Variants in SCUBE2 observed in about 807,000 individuals in gnomAD.
SCUBE2 encodes signal peptide, CUB and EGF-like domain-containing protein 2.
In SCUBE2, 114 loss-of-function variants were observed where a neutral mutation model predicts 125.9. That is an observed-to-expected ratio of 0.91 (90% CI 0.78 to 1.06). The LOEUF is 1.06. SCUBE2 is among the 50% of genes least tolerant of loss of function. SCUBE2 has a pLI of 0.00. For synonymous variants in SCUBE2, 459 were observed against 492.9 expected (o/e 0.93, Z 0.91); for missense variants, 1,255 against 1,301.8 (o/e 0.96, Z 0.55).
intron 2 of SCUBE2, among the ~76,000 whole-genome samples, chr11:9,088,254 G>A (rs1009966571): frequency 1.3e-5 from 2 of 152,244 alleles, no homozygotes; most frequent in East Asian, 1.9e-4. Flanking sequence ...TCGGGAGGCC[G>A]AGGCCAGTGG....
chr11:9,091,255 C>CG lies in SCUBE2; in HGVS notation c.133+140dup, dbSNP rs1194779583. On this transcript the variant is annotated intron_variant, in intron 1 of 22. Transcript: ENST00000649792. The surrounding 1 kb of genome is among the most constrained non-coding windows in gnomAD (Gnocchi z 8.5). ...TTGGCCCGGCCGGCGGGTGAGGTCCCGGGGGGAGCAGAGGCCCCCGCGGAG... is the reference window on the plus strand; with the variant it reads ...TTGGCCCGGCCGGCGGGTGAGGTCCCGGGGGGGAGCAGAGGCCCCCGCGGAG... 1.1e-5 allele frequency: 6 copies of CG among 536,432 alleles called. No individual in the cohort carries two copies. Among genetic ancestry groups the CG allele is most frequent in the South Asian group, 1.9e-4 (2 of 10,772 alleles). 33.2% of individuals were successfully genotyped at this position (536,432 alleles called of 1,614,324 possible).
rs771636204 is a variant in SCUBE2 at position 9,029,924 on chromosome 11, C to T, written c.2463G>A (p.Thr821=). The change falls in exon 19 of 23, where the codon ACG becomes ACA. Residue 821 remains threonine (T), a synonymous_variant. Transcript: ENST00000649792. ...TGTTTGTGGAGCCATCAAAGTCAGT[C>T]GTAGTATTTCCTGGGCAAGAAACAC... is the stretch of plus-strand genomic sequence containing the variant. ...NNCVSCPGNT[T]TDFDGSTNIT... 7.4e-6 allele frequency: 12 copies of T among 1,614,156 alleles called. No homozygotes were observed. The highest frequency in any genetic ancestry group is 2.2e-5 in the East Asian group (1 of 44,876).
chr11:9,071,019 C>T (rs756104874), intron 4 of SCUBE2, among the ~76,000 whole-genome samples: 2 of 152,122 alleles, frequency 1.3e-5, no homozygotes, highest in African/African-American at 4.8e-5. Context: ...CTGGTAATTC[C>T]GAAGATGTGA....
intron 17 of SCUBE2, among the ~76,000 whole-genome samples, chr11:9,031,784 G>T: frequency 6.6e-6 from 1 of 152,212 alleles, no homozygotes; most frequent in East Asian, 1.9e-4. Context: ...TTAGTCATTG[G>T]CAAGATGCTA....
At chr11:9,081,681 AAAAACC>A (rs1564850663) in intron 2 of SCUBE2, among the ~76,000 whole-genome samples, 1 of 151,458 alleles carries the variant, frequency 6.6e-6, no homozygotes, top group African/African-American at 2.4e-5. Context: ...AACAAAAAAA[AAAAACC>A]AAAAATATTA....
chr11:9,050,276 T>C, intron 14 of SCUBE2: 1 of 211,710 alleles, frequency 4.7e-6, no homozygotes, highest in East Asian at 1.1e-4. Context: ...ATCTGAGATC[T>C]AGAAAATTTA....
Position 9,089,741 on chromosome 11 carries a change from C to T in SCUBE2, c.222G>A (p.Lys74=). ...GCCTGCCTTCCCCTTGGTAGCCAGGCTTGCAGGAGCACTTGTAGGAGGTGG... is the reference window on the plus strand; with the variant it reads ...GCCTGCCTTCCCCTTGGTAGCCAGGTTTGCAGGAGCACTTGTAGGAGGTGG... ...NTPTSYKCSC[K]PGYQGEGRQC... is the part of the protein sequence containing the mutation. The change falls in exon 2 of 23, where the codon AAG becomes AAA. Residue 74 remains lysine (K), a synonymous_variant. Coordinates refer to ENST00000649792, the MANE Select transcript of SCUBE2 (RefSeq NM_001367977.2). 1 of 1,613,926 alleles carries T rather than the reference C, an allele frequency of 6.2e-7. No homozygotes were observed. The highest frequency in any genetic ancestry group is 8.5e-7 in the Non-Finnish European group (1 of 1,179,890).
At chr11:9,056,559 T>C (rs999416282) in intron 9 of SCUBE2, among the ~76,000 whole-genome samples, 5 of 152,170 alleles carry the variant, frequency 3.3e-5, no homozygotes, top group Admixed American at 6.5e-5. Context: ...TTGGTTTTGC[T>C]CCTCCCCTAT....
chr11:9,088,309 G>A (rs540924609), intron 2 of SCUBE2, among the ~76,000 whole-genome samples: 38 of 152,318 alleles, frequency 2.5e-4, no homozygotes, highest in Admixed American at 2.2e-3. Context: ...CCAACATGGT[G>A]AAACCCCGTC....
At chr11:9,031,082 G>T in intron 17 of SCUBE2, 157 bp from the exon 18 acceptor site, 1 of 641,284 alleles carries the variant, frequency 1.6e-6, no homozygotes, top group Non-Finnish European at 2.6e-6. Flanking sequence ...TGGTGCTTCT[G>T]ACCCTGAGTC....
intron 2 of SCUBE2, among the ~76,000 whole-genome samples, chr11:9,084,794 A>C (rs1275181324): frequency 6.6e-6 from 1 of 152,212 alleles, no homozygotes; most frequent in Non-Finnish European, 1.5e-5. Context: ...CCCAGGCTGG[A>C]GTGCAGTGGT....
intron 7 of SCUBE2, among the ~76,000 whole-genome samples, chr11:9,062,822 G>A (rs865987644): frequency 7.3e-5 from 10 of 137,918 alleles, no homozygotes; most frequent in African/African-American, 2.7e-4. Context: ...GGAGAGAAAA[G>A]AAAAAGAATA....
At chr11:9,061,922 A>G (rs777111706) in intron 7 of SCUBE2, among the ~76,000 whole-genome samples, 1 of 152,220 alleles carries the variant, frequency 6.6e-6, no homozygotes, top group Non-Finnish European at 1.5e-5. Flanking sequence ...TTCTAGAGGC[A>G]GAAATGAGGA....
chr11:9,069,389 C>A lies in SCUBE2; in HGVS notation c.624G>T (p.Lys208Asn), dbSNP rs372941869. Residue 208 changes from lysine to asparagine, a missense_variant, in exon 5 of 23, where the codon AAG becomes AAT. Physicochemically the swap from Lys to Asn is moderately conservative, Grantham distance 94. This residue lies in a region of SCUBE2 where 362 missense variants were observed against 323.0 expected (regional missense o/e 1.12). Transcript: ENST00000649792. ...ACTTACAGATGCAGTCTCTCTGGTT[C>A]TTGGCCAGCTCAAAACCAGGCCTGC... Reference protein sequence around the residue: ...CECRPGFELAKNQRDCILTCN... With the variant: ...CECRPGFELANNQRDCILTCN... 6 of 1,614,120 alleles carry A rather than the reference C, an allele frequency of 3.7e-6. No homozygotes were observed. The African/African-American group carries it at 6.7e-5, about 18-fold the overall frequency.
In SCUBE2 at chr11:9,019,618, A is replaced by G. The variant is rs1446048472; in HGVS notation, c.*1427T>C. Among the ~76,000 whole-genome samples, 2 of 152,124 alleles carry G rather than the reference A, an allele frequency of 1.3e-5. No homozygotes were observed. The highest frequency in any genetic ancestry group is 2.4e-5 in the African/African-American group (1 of 41,404). On this transcript the variant is annotated 3_prime_UTR_variant, in exon 23 of 23. Coordinates refer to ENST00000649792, the MANE Select transcript of SCUBE2 (RefSeq NM_001367977.2). ...TTTGATTAGGACTTTTTAAGAATCA[A>G]TGTTATTAACAGGTTAAAAAAAGCA...
In SCUBE2 at chr11:9,055,747, G is replaced by C. The variant is rs1008994116; in HGVS notation, c.1207+46C>G. The C allele has an allele frequency of 8.0e-6, 12 of 1,504,184 alleles. No individual in the cohort carries two copies. The African/African-American group carries it at 1.6e-4, about 21-fold the overall frequency. 93.2% of individuals were successfully genotyped at this position (1,504,184 alleles called of 1,614,324 possible). On this transcript the variant is annotated intron_variant, in intron 10 of 22. Coordinates refer to ENST00000649792, the MANE Select transcript of SCUBE2 (RefSeq NM_001367977.2). ...AGGGGTAGGCCCTGCTCCCCTCCAGGCCCAGCCTCATTCCCCTCCCAACTT... is the reference window on the plus strand; with the variant it reads ...AGGGGTAGGCCCTGCTCCCCTCCAGCCCCAGCCTCATTCCCCTCCCAACTT...
intron 19 of SCUBE2, 94 bp downstream of exon 19, chr11:9,029,790 C>T (rs760478280): frequency 3.6e-6 from 5 of 1,372,928 alleles, no homozygotes; most frequent in Admixed American, 1.8e-5. Context: ...TCTGAGTGAA[C>T]CTGGGACCTC....
chr11:9,060,300 G>C, intron 8 of SCUBE2, 108 bp downstream of exon 8: 1 of 776,432 alleles, frequency 1.3e-6, no homozygotes, highest in Non-Finnish European at 2.2e-6. Context: ...AGCAAATCTC[G>C]AGTCACGTGG....
In SCUBE2 at chr11:9,055,955, A is replaced by G. The variant is rs751964768; in HGVS notation, c.1091-46T>C. 8.5e-6 allele frequency: 12 copies of G among 1,418,458 alleles called. No individual in the cohort carries two copies. The South Asian group carries it at 1.4e-4, about 16-fold the overall frequency. 87.9% of individuals were successfully genotyped at this position (1,418,458 alleles called of 1,614,324 possible). A position where few individuals can be genotyped will look rare whatever the true frequency, so the allele number is the denominator to read the frequency against. ...GGGGAGCTGAAACCCACTCTGAGGG[A>G]TGAGTGAAGAATAGGTTTATGATAA... On this transcript the variant is annotated intron_variant, in intron 9 of 22. Transcript: ENST00000649792.
Sources: allele counts gnomAD v4.1 joint callset (sites outside exome capture counted in the v4.1 genomes callset), GRCh38; gene constraint gnomAD v4.1.1; regional missense constraint gnomAD v4.1.1; non-coding constraint Gnocchi (gnomAD v3.1); transcripts MANE v1.5; gene names NCBI Gene and HGNC (gene_info 2026-07-23, HGNC 2026-07-21).